Variants in IQCM observed in about 807,000 individuals in gnomAD.
The protein encoded by IQCM is IQ domain-containing protein M.
A neutral mutation model predicts 57.6 loss-of-function variants in IQCM; 45 were observed. The observed-to-expected ratio is 0.78, with a 90% CI of 0.62 to 1.00. The LOEUF is 1.00. Among genes scored for constraint, IQCM ranks in the 50% least tolerant of loss-of-function variants. The pLI, the probability that IQCM is intolerant of heterozygous loss-of-function variation, is 0.00. For synonymous variants in IQCM, 148 were observed against 158.9 expected (o/e 0.93, Z 0.51); for missense variants, 468 against 511.6 (o/e 0.91, Z 0.82).
chr4:149,671,706 T>C (rs906155236), intron 7 of IQCM, among the ~76,000 whole-genome samples: 2 of 152,196 alleles, frequency 1.3e-5, no homozygotes, highest in African/African-American at 2.4e-5. Context: ...TCAAAGAACA[T>C]CTTTATTTCT....
chr4:149,758,182 A>C (rs1769167581), intron 2 of IQCM, among the ~76,000 whole-genome samples: 1 of 152,180 alleles, frequency 6.6e-6, no homozygotes, highest in Non-Finnish European at 1.5e-5. Context: ...GATAAAATAG[A>C]CATTAGATGA....
intron 5 of IQCM, among the ~76,000 whole-genome samples, chr4:149,729,012 G>A (rs1012669892): frequency 2.6e-5 from 4 of 152,188 alleles, no homozygotes; most frequent in Non-Finnish European, 4.4e-5. Context: ...AATAGAGCAG[G>A]TATAGGATAA....
At chr4:149,500,415 AG>A (rs1743116974) in intron 12 of IQCM, among the ~76,000 whole-genome samples, 1 of 152,236 alleles carries the variant, frequency 6.6e-6, no homozygotes, top group South Asian at 2.1e-4. Flanking sequence ...TCAAGATAAC[AG>A]AGAAGAAATT....
intron 13 of IQCM, among the ~76,000 whole-genome samples, chr4:149,353,555 T>C (rs938358604): frequency 1.3e-5 from 2 of 152,066 alleles, no homozygotes; most frequent in African/African-American, 4.8e-5. Context: ...ATTGGACAAA[T>C]AGATTAAAGA....
intron 2 of IQCM, among the ~76,000 whole-genome samples, chr4:149,789,159 T>A (rs1772345189): frequency 6.6e-6 from 1 of 152,166 alleles, no homozygotes; most frequent in Non-Finnish European, 1.5e-5. Flanking sequence ...GCTTAAAATG[T>A]TCCCAACACA....
chr4:149,760,942 G>A (rs542262885), intron 2 of IQCM, among the ~76,000 whole-genome samples: 2 of 152,172 alleles, frequency 1.3e-5, no homozygotes, highest in East Asian at 1.9e-4. Context: ...CAAAGGAAAT[G>A]TATCAAGGCA....
chr4:149,365,876 C>A (rs1010094315), intron 13 of IQCM, among the ~76,000 whole-genome samples: 2 of 152,070 alleles, frequency 1.3e-5, no homozygotes, highest in Non-Finnish European at 2.9e-5. Flanking sequence ...CAAGTAAACA[C>A]ACTGTGGAAT....
intron 12 of IQCM, among the ~76,000 whole-genome samples, chr4:149,447,427 T>C (rs1395363247): frequency 6.6e-6 from 1 of 151,630 alleles, no homozygotes; most frequent in Non-Finnish European, 1.5e-5. Context: ...ATTCCACATG[T>C]TCAAGAAGTT....
chr4:149,510,642 G>C (rs1670835430), intron 12 of IQCM, among the ~76,000 whole-genome samples: 1 of 151,980 alleles, frequency 6.6e-6, no homozygotes, highest in Non-Finnish European at 1.5e-5. Flanking sequence ...ATGTCTTTCT[G>C]GTATCCTCTG....
At chr4:149,733,202 T>G in intron 5 of IQCM, 42 bp downstream of exon 5, 4 of 1,226,652 alleles carry the variant, frequency 3.3e-6, no homozygotes, top group Non-Finnish European at 4.1e-6. Flanking sequence ...AATAGTTTTG[T>G]CCGTGAGTTT....
At chr4:149,422,466 C>A (rs1019342364) in intron 13 of IQCM, among the ~76,000 whole-genome samples, 2 of 151,736 alleles carry the variant, frequency 1.3e-5, no homozygotes, top group African/African-American at 4.8e-5. Context: ...ATACAAAGGG[C>A]AAAACCAACA....
chr4:149,673,197 C>G (rs991342146), intron 7 of IQCM, among the ~76,000 whole-genome samples: 1 of 152,078 alleles, frequency 6.6e-6, no homozygotes, highest in Non-Finnish European at 1.5e-5. Context: ...ACCATCGATG[C>G]TAGGAAGAAA....
At chr4:149,376,146 A>C (rs541165214) in intron 13 of IQCM, among the ~76,000 whole-genome samples, 1 of 152,246 alleles carries the variant, frequency 6.6e-6, no homozygotes, top group African/African-American at 2.4e-5. Context: ...GTTTTCATAC[A>C]TTTTGATTTT....
chr4:149,480,567 C>T (rs959050830), intron 12 of IQCM, among the ~76,000 whole-genome samples: 1 of 152,080 alleles, frequency 6.6e-6, no homozygotes, highest in African/African-American at 2.4e-5. Flanking sequence ...CTTCCAGTTC[C>T]GTGTTATTGC....
chr4:149,388,774 TACACAC>T (rs200786025), intron 13 of IQCM, among the ~76,000 whole-genome samples: 9 of 144,822 alleles, frequency 6.2e-5, no homozygotes, highest in Admixed American at 2.1e-4. Context: ...CATATATATA[TACACAC>T]ACACACACAC....
At chr4:149,481,709 T>TTTTGTTTGTTTGTTTG (rs1740880124) in intron 12 of IQCM, among the ~76,000 whole-genome samples, 1 of 133,058 alleles carries the variant, frequency 7.5e-6, no homozygotes, top group African/African-American at 2.7e-5. Flanking sequence ...TTGTTTTTTT[T>TTTTGTTTGTTTGTTTG]TTTTTTTTTT....
chr4:149,734,604 T>A (rs1580157364), intron 4 of IQCM, among the ~76,000 whole-genome samples: 1 of 152,126 alleles, frequency 6.6e-6, no homozygotes, highest in South Asian at 2.1e-4. Context: ...TTTAAAAAAA[T>A]TTTTAAGTAT....
chr4:149,601,011 T>C (rs1179850117), intron 8 of IQCM, among the ~76,000 whole-genome samples: 1 of 152,216 alleles, frequency 6.6e-6, no homozygotes, highest in East Asian at 1.9e-4. Flanking sequence ...ACACAATGAC[T>C]AAATTCATAG....
intron 2 of IQCM, among the ~76,000 whole-genome samples, chr4:149,757,269 G>T (rs1769063471): frequency 6.7e-6 from 1 of 150,094 alleles, no homozygotes; most frequent in South Asian, 2.1e-4. Context: ...AAAAAAATAA[G>T]GCCAAATATG....
Sources: gnomAD v4.1 joint callset for allele counts (sites outside exome capture counted in the v4.1 genomes callset) on GRCh38, gnomAD v4.1.1 for gene constraint, MANE v1.5 for transcripts, NCBI Gene and HGNC (gene_info 2026-07-23, HGNC 2026-07-21) for gene names.